RCSD1: variants seen among roughly 807,000 people sequenced by gnomAD.
The protein encoded by RCSD1 is capZ-interacting protein.
RCSD1 carries 26 observed loss-of-function variants against 42.5 expected under a neutral mutation model. The ratio of observed to expected loss-of-function variants is 0.61; its 90% CI spans 0.45 to 0.85. The LOEUF (loss-of-function observed/expected upper bound fraction) is 0.85, where lower values mean the gene tolerates loss of function less well. Ranked by LOEUF, RCSD1 falls within the 40% of genes least tolerant of loss-of-function variation. The pLI is 0.00. For missense variants in RCSD1, 571 were observed against 528.3 expected, an observed-to-expected ratio of 1.08 and a Z score of -0.79; for synonymous variants, 220 against 212.2, an observed-to-expected ratio of 1.04 and a Z score of -0.32.
chr1:167,697,751 TG>T lies in RCSD1; in HGVS notation c.1128del (p.Leu377SerfsTer49), dbSNP rs1659537574. Reference protein sequence around the residue: ...KGKEKQQEGAVLEPGCSPQTG... With the variant: ...KGKEKQQEGAXLEPGCSPQTG... ...AAGGAAAAACAACAGGAGGGGGCAG[TG>T]CTCGAGCCAGGCTGCAGCCCCCAGA... is the stretch of plus-strand genomic sequence containing the variant. On this transcript the variant is annotated frameshift_variant, in exon 6 of 7. Transcript: ENST00000367854. LOFTEE classifies it high-confidence loss of function. 6.5e-7 allele frequency: 1 copy of T among 1,544,690 alleles called. No homozygotes were observed. The highest frequency in any genetic ancestry group is 1.3e-5 in the South Asian group (1 of 79,256).
chr1:167,649,056 C>A lies in RCSD1; in HGVS notation c.6+18627C>A, dbSNP rs138795676. Among the ~76,000 whole-genome samples the A allele has an allele frequency of 2.4e-4, 37 of 152,264 alleles. No homozygotes were observed. The East Asian group carries it at 6.8e-3, about 28-fold the overall frequency. On this transcript the variant is annotated intron_variant, in intron 1 of 6. Coordinates refer to ENST00000367854, the MANE Select transcript of RCSD1 (RefSeq NM_052862.4). ...AGTTTGGTTAAGTATTCTAAGAGAT[C>A]TGTGCTCAGAACACAGATCTGAGTA... is the stretch of plus-strand genomic sequence containing the variant.
chr1:167,655,598 C>T (rs867366035), intron 1 of RCSD1, among the ~76,000 whole-genome samples: 1 of 152,188 alleles, frequency 6.6e-6, no homozygotes, highest in South Asian at 2.1e-4. Flanking sequence ...ATAACCTGCT[C>T]TGTGCCCTCC....
chr1:167,684,749 C>T (rs572532083), intron 2 of RCSD1, among the ~76,000 whole-genome samples: 60 of 152,178 alleles, frequency 3.9e-4, no homozygotes, highest in Non-Finnish European at 7.9e-4. Flanking sequence ...TGGCACATGC[C>T]TGTAAGCCCA....
At chr1:167,672,356 C>G (rs1194492420) in intron 1 of RCSD1, among the ~76,000 whole-genome samples, 5 of 152,202 alleles carry the variant, frequency 3.3e-5, no homozygotes, top group African/African-American at 1.2e-4. Flanking sequence ...CAAATGTCCA[C>G]CAACTTAGTG....
intron 2 of RCSD1, 77 bp from the exon 3 acceptor site, chr1:167,685,344 T>C (rs7532689): frequency 0.021 from 24,956 of 1,179,278 alleles, 669 homozygotes; most frequent in African/African-American, 0.12. Flanking sequence ...CCAGTTTCCA[T>C]TTCCTTGCTC....
At chr1:167,642,224 G>A (rs1658023804) in intron 1 of RCSD1, among the ~76,000 whole-genome samples, 1 of 152,212 alleles carries the variant, frequency 6.6e-6, no homozygotes, top group Non-Finnish European at 1.5e-5. Context: ...TGGCCTGATA[G>A]AGTCTTAGAA....
intron 1 of RCSD1, among the ~76,000 whole-genome samples, chr1:167,669,380 G>C (rs12133243): frequency 3.1e-4 from 47 of 152,358 alleles, no homozygotes; most frequent in Non-Finnish European, 6.0e-4. Flanking sequence ...GCCCTAGGCT[G>C]TAGTCTGGGC....
At chr1:167,649,724 G>A (rs142849286) in intron 1 of RCSD1, among the ~76,000 whole-genome samples, 133 of 152,320 alleles carry the variant, frequency 8.7e-4, no homozygotes, top group Admixed American at 1.9e-3. Flanking sequence ...AGTTTGAGAG[G>A]AGGATCCTTC....
intron 1 of RCSD1, among the ~76,000 whole-genome samples, chr1:167,682,889 C>T (rs1034447228): frequency 4.6e-5 from 7 of 152,112 alleles, no homozygotes; most frequent in Admixed American, 3.3e-4. Flanking sequence ...GAAATGCTGC[C>T]ACCATGGTGA....
intron 1 of RCSD1, among the ~76,000 whole-genome samples, chr1:167,655,824 C>T (rs1658413704): frequency 6.6e-6 from 1 of 152,178 alleles, no homozygotes; most frequent in African/African-American, 2.4e-5. Flanking sequence ...CCCTGTAGAA[C>T]CCGTGAGGAT....
At chr1:167,686,237 C>T (rs1041860524) in intron 3 of RCSD1, among the ~76,000 whole-genome samples, 3 of 152,148 alleles carry the variant, frequency 2.0e-5, no homozygotes, top group Admixed American at 6.5e-5. Flanking sequence ...GTTCTGTCAT[C>T]TCACCTGGGA....
intron 1 of RCSD1, among the ~76,000 whole-genome samples, chr1:167,674,444 C>T (rs57318878): frequency 0.12 from 18,195 of 152,208 alleles, 2,374 homozygotes; most frequent in African/African-American, 0.33. Context: ...CTGTAAGGAC[C>T]TGACAATTTT....
intron 3 of RCSD1, among the ~76,000 whole-genome samples, chr1:167,689,285 C>A (rs941874578): frequency 6.6e-6 from 1 of 151,982 alleles, no homozygotes; most frequent in Non-Finnish European, 1.5e-5. Context: ...AGTTCGAGAC[C>A]AACCTGGCCA....
chr1:167,690,215 T>C, intron 4 of RCSD1, 95 bp downstream of exon 4: 1 of 1,089,214 alleles, frequency 9.2e-7, no homozygotes. Context: ...GGGTAGCCTA[T>C]GTGTCACCTG....
At chr1:167,698,981 A>C (rs929114730) in intron 6 of RCSD1, among the ~76,000 whole-genome samples, 3 of 151,638 alleles carry the variant, frequency 2.0e-5, no homozygotes, top group Admixed American at 2.0e-4. Flanking sequence ...TTGTATTTTT[A>C]GTGGAGACGG....
intron 1 of RCSD1, among the ~76,000 whole-genome samples, chr1:167,678,794 C>A (rs768320870): frequency 3.5e-4 from 53 of 152,170 alleles, no homozygotes; most frequent in Non-Finnish European, 4.0e-4. Context: ...CGCATCTTCC[C>A]GCCCCCTCTT....
At chr1:167,664,066 C>A (rs1012578154) in intron 1 of RCSD1, 1 of 152,254 alleles carries the variant, frequency 6.6e-6, no homozygotes, top group Non-Finnish European at 1.5e-5. Context: ...CAAACACCAT[C>A]TCCTAGTATC....
At chr1:167,656,823 C>T (rs1658435987) in intron 1 of RCSD1, among the ~76,000 whole-genome samples, 1 of 152,200 alleles carries the variant, frequency 6.6e-6, no homozygotes, top group East Asian at 1.9e-4. Flanking sequence ...GGGAAGCTCT[C>T]CCTTTTCCAT....
chr1:167,640,989 G>T (rs1471601481), intron 1 of RCSD1, among the ~76,000 whole-genome samples: 1 of 152,078 alleles, frequency 6.6e-6, no homozygotes, highest in Non-Finnish European at 1.5e-5. Context: ...ACCACCCCCC[G>T]AGCCCCCACT....
Sources: gnomAD v4.1 joint callset for allele counts (sites outside exome capture counted in the v4.1 genomes callset) on GRCh38, gnomAD v4.1.1 for gene constraint, MANE v1.5 for transcripts, NCBI Gene and HGNC (gene_info 2026-07-23, HGNC 2026-07-21) for gene names.